FBXO24: variants seen among roughly 807,000 people sequenced by gnomAD.
The protein encoded by FBXO24 is F-box only protein 24.
A neutral mutation model predicts 63.5 loss-of-function variants in FBXO24; 30 were observed. The ratio of observed to expected loss-of-function variants is 0.47; its 90% CI spans 0.35 to 0.64. FBXO24 has a LOEUF of 0.64. Among genes scored for constraint, FBXO24 ranks in the 30% least tolerant of loss-of-function variants. FBXO24 has a pLI of 0.00. For synonymous variants in FBXO24, 300 were observed against 305.0 expected, an observed-to-expected ratio of 0.98 and a Z score of 0.17; for missense variants, 624 against 763.4, an observed-to-expected ratio of 0.82 and a Z score of 2.15.
intron 5 of FBXO24, among the ~76,000 whole-genome samples, chr7:100,593,746 G>A (rs1802150481): frequency 6.9e-6 from 1 of 145,092 alleles, no homozygotes; most frequent in Non-Finnish European, 1.5e-5. Flanking sequence ...TCAGTGAGCC[G>A]AGATTATGCC....
In FBXO24 at chr7:100,589,710, G is replaced by T. The variant is rs202225890; in HGVS notation, c.40-267G>T. The stretch of plus-strand genomic sequence containing the variant: ...GAGACAGGAGGGCAGGAGCAGGGAG[G>T]GGGCAATCAGGATGGTCAGGGGAAG... On this transcript the variant is annotated intron_variant, in intron 1 of 9. Transcript: ENST00000241071. 3.6e-4 allele frequency: 558 copies of T among 1,546,844 alleles called. No individual in the cohort carries two copies. Among genetic ancestry groups the T allele is most frequent in the Non-Finnish European group, 4.7e-4 (540 of 1,143,970 alleles).
chr7:100,586,438 G>T lies in FBXO24; in HGVS notation c.-188G>T. The stretch of plus-strand genomic sequence containing the variant: ...CCAATCAGGTCCAACCAAGAGGAGG[G>T]GACACCGGCACTCCACTAGCAGGAA... On this transcript the variant is annotated 5_prime_UTR_variant, in exon 1 of 10. Transcript: ENST00000241071. 2 of 666,530 alleles carry T rather than the reference G, an allele frequency of 3.0e-6. No individual in the cohort carries two copies. Among genetic ancestry groups the T allele is most frequent in the Non-Finnish European group, 2.6e-6 (1 of 378,368 alleles). The allele number at this position is 666,530 out of a possible 1,614,324, so 41.3% of individuals were successfully genotyped here.
intron 1 of FBXO24, chr7:100,589,518 A>G: frequency 7.3e-7 from 1 of 1,360,886 alleles, no homozygotes; most frequent in Non-Finnish European, 9.5e-7. Flanking sequence ...GCAAGATTAA[A>G]GGGAACAGGT....
chr7:100,588,465 T>A (rs73156212), intron 1 of FBXO24, among the ~76,000 whole-genome samples: 11,818 of 152,248 alleles, frequency 0.078, 571 homozygotes, highest in Non-Finnish European at 0.11. Flanking sequence ...AGCCTAGCCA[T>A]GGCTAGGCAC....
chr7:100,590,057 G>T lies in FBXO24; in HGVS notation c.120G>T (p.Gln40His). 6.2e-7 allele frequency: 1 copy of T among 1,613,716 alleles called. No homozygotes were observed. The highest frequency in any genetic ancestry group is 8.5e-7 in the Non-Finnish European group (1 of 1,179,864). ...GGAAAGGAAATCCGATTTCCATCCAGTTGTTCCCCCCAGAGCTGGTGAGTC... is the reference window on the plus strand; with the variant it reads ...GGAAAGGAAATCCGATTTCCATCCATTTGTTCCCCCCAGAGCTGGTGAGTC... The part of the protein sequence containing the change: ...KRGKGNPISI[Q>H]LFPPELVEHI... Residue 40 changes from glutamine to histidine, a missense_variant, in exon 2 of 10, where the codon CAG (glutamine) becomes CAT (histidine). Gln to His is a conservative substitution (Grantham distance 24). Coordinates refer to ENST00000241071, the MANE Select transcript of FBXO24 (RefSeq NM_033506.3).
intron 8 of FBXO24, among the ~76,000 whole-genome samples, chr7:100,598,844 C>T (rs1584434195): frequency 1.3e-5 from 2 of 151,770 alleles, no homozygotes; most frequent in African/African-American, 2.4e-5. Context: ...CCAGGTGTGG[C>T]GGTGTGCACC....
intron 1 of FBXO24, among the ~76,000 whole-genome samples, chr7:100,587,314 A>AT (rs1428278397): frequency 3.4e-5 from 5 of 148,376 alleles, no homozygotes; most frequent in African/African-American, 1.2e-4. Context: ...TTATTTTTTT[A>AT]TTTTTTGAGA....
rs79974405 is a variant in FBXO24 at position 100,590,390 on chromosome 7, G to T, written c.322+33G>T. The T allele has an allele frequency of 5.1e-4, 805 of 1,579,340 alleles. 9 individuals are homozygous for T. In the East Asian group the frequency reaches 0.018, roughly 35 times the overall value. On this transcript the variant is annotated intron_variant, in intron 3 of 9. Transcript: ENST00000241071. ...TTCCCCAGAACCTCCCGTTCTCCTT[G>T]CCTCTGTCCCGCCTTAGCCTTCCTG... is the stretch of plus-strand genomic sequence containing the variant.
At chr7:100,587,883 C>T (rs900194227) in intron 1 of FBXO24, among the ~76,000 whole-genome samples, 1 of 151,872 alleles carries the variant, frequency 6.6e-6, no homozygotes, top group African/African-American at 2.4e-5. Flanking sequence ...CAGGCGTGAG[C>T]CACCGCACCC....
At position 100,594,984 on chromosome 7, in the gene FBXO24, G is replaced by A; in HGVS notation, c.953-118G>A. 7.3e-7 allele frequency: 1 copy of A among 1,370,658 alleles called. No individual in the cohort carries two copies. The highest frequency in any genetic ancestry group is 1.0e-6 in the Non-Finnish European group (1 of 998,612). The allele number at this position is 1,370,658 out of a possible 1,614,324, so 84.9% of individuals were successfully genotyped here. ...TTTTCAGTTCCCAGGCATCATAGTT[G>A]ATGCATTCCTAGTGGGTATGAGACT... is the stretch of plus-strand genomic sequence containing the variant. On this transcript the variant is annotated intron_variant, in intron 6 of 9. Transcript: ENST00000241071. This position sits in a 1 kb window ranked among gnomAD's most constrained non-coding sequence, Gnocchi z 4.2.
In FBXO24 at chr7:100,600,421, C is replaced by A; in HGVS notation, c.1378-113C>A. 1 of 1,506,094 alleles carries A rather than the reference C, an allele frequency of 6.6e-7. No homozygotes were observed. The highest frequency in any genetic ancestry group is 8.9e-7 in the Non-Finnish European group (1 of 1,125,086). 93.3% of individuals were successfully genotyped at this position (1,506,094 alleles called of 1,614,324 possible). A position where few individuals can be genotyped will look rare whatever the true frequency, so the allele number is the denominator to read the frequency against. On this transcript the variant is annotated intron_variant, in intron 9 of 9. Coordinates refer to ENST00000241071, the MANE Select transcript of FBXO24 (RefSeq NM_033506.3). The surrounding 1 kb of genome is among the most constrained non-coding windows in gnomAD (Gnocchi z 6.3). ...TCACACACCCCTGGGACTTAGCCGGCTCAGGGCTGGTGTGAGAGGGAAGAA... is the reference window on the plus strand; with the variant it reads ...TCACACACCCCTGGGACTTAGCCGGATCAGGGCTGGTGTGAGAGGGAAGAA...
intron 3 of FBXO24, among the ~76,000 whole-genome samples, chr7:100,590,938 C>G (rs1801983899): frequency 6.6e-6 from 1 of 152,044 alleles, no homozygotes; most frequent in South Asian, 2.1e-4. Context: ...GAAAACAGAT[C>G]CAAAGCTAGG....
At chr7:100,589,387 A>G in intron 1 of FBXO24, 1 of 1,174,300 alleles carries the variant, frequency 8.5e-7, no homozygotes. Flanking sequence ...GCTCCCTGAA[A>G]TAAAGATGTC....
At chr7:100,597,719 T>C (rs1364309020) in intron 8 of FBXO24, among the ~76,000 whole-genome samples, 1 of 151,484 alleles carries the variant, frequency 6.6e-6, no homozygotes, top group Non-Finnish European at 1.5e-5. Context: ...TATTACTTTT[T>C]TGAGACATGG....
intron 4 of FBXO24, 26 bp from the exon 5 acceptor site, chr7:100,592,757 C>T (rs750059248): frequency 2.5e-6 from 4 of 1,593,688 alleles, no homozygotes; most frequent in East Asian, 4.5e-5. Flanking sequence ...ACTCTAGATC[C>T]CAGACGCCCT....
chr7:100,589,391 A>C, intron 1 of FBXO24: 14 of 1,181,366 alleles, frequency 1.2e-5, no homozygotes, highest in Non-Finnish European at 1.5e-5. Flanking sequence ...CCTGAAATAA[A>C]GATGTCACCT....
chr7:100,591,606 C>G, intron 3 of FBXO24, 61 bp from the exon 4 acceptor site: 2 of 1,520,958 alleles, frequency 1.3e-6, no homozygotes, highest in African/African-American at 1.4e-5. Context: ...TACCCAAGCT[C>G]CAACTCATCT....
intron 8 of FBXO24, among the ~76,000 whole-genome samples, chr7:100,597,041 C>T (rs1802344019): frequency 6.6e-6 from 1 of 151,758 alleles, no homozygotes; most frequent in Non-Finnish European, 1.5e-5. Flanking sequence ...GACTCTGTCT[C>T]AAAACAAAAC....
At chr7:100,592,067 C>A in intron 4 of FBXO24, 165 bp downstream of exon 4, 1 of 648,784 alleles carries the variant, frequency 1.5e-6, no homozygotes. Flanking sequence ...TCGAGACCAG[C>A]CTGGCCAAAT....
Sources: allele counts gnomAD v4.1 joint callset (sites outside exome capture counted in the v4.1 genomes callset), GRCh38; gene constraint gnomAD v4.1.1; non-coding constraint Gnocchi (gnomAD v3.1); transcripts MANE v1.5; gene names NCBI Gene and HGNC (gene_info 2026-07-23, HGNC 2026-07-21).